Variants in CNTNAP2 observed in about 807,000 individuals in gnomAD.
The protein encoded by CNTNAP2 is contactin associated protein 2.
In CNTNAP2, 98 loss-of-function variants were observed where a neutral mutation model predicts 155.2. That is an observed-to-expected ratio of 0.63 (90% CI 0.54 to 0.75). The LOEUF (loss-of-function observed/expected upper bound fraction) is 0.75, where lower values mean the gene tolerates loss of function less well. Among genes scored for constraint, CNTNAP2 ranks in the 30% least tolerant of loss-of-function variants. CNTNAP2 has a pLI of 0.00. For synonymous variants in CNTNAP2, 651 were observed against 631.2 expected, an observed-to-expected ratio of 1.03 and a Z score of -0.47; for missense variants, 1,727 against 1,688.1, an observed-to-expected ratio of 1.02 and a Z score of -0.40.
intron 14 of CNTNAP2, among the ~76,000 whole-genome samples, chr7:147,973,160 T>TAAAATAAAAA (rs1554456455): frequency 8.3e-6 from 1 of 120,856 alleles, no homozygotes; most frequent in African/African-American, 3.5e-5. Flanking sequence ...TCTCTAAAAT[T>TAAAATAAAAA]AAAAAAAAAA....
chr7:148,253,734 G>C (rs957900329), intron 20 of CNTNAP2, among the ~76,000 whole-genome samples: 4 of 152,206 alleles, frequency 2.6e-5, no homozygotes, highest in African/African-American at 9.7e-5. Context: ...CATGGGATGA[G>C]TGTACTACTG....
At chr7:147,104,820 T>C (rs989770953) in intron 4 of CNTNAP2, among the ~76,000 whole-genome samples, 3 of 143,200 alleles carry the variant, frequency 2.1e-5, no homozygotes, top group Non-Finnish European at 3.0e-5. Flanking sequence ...CTAACTGAAA[T>C]GAAATTCTCC....
At chr7:147,099,314 G>GA (rs1197625009) in intron 4 of CNTNAP2, among the ~76,000 whole-genome samples, 3 of 152,118 alleles carry the variant, frequency 2.0e-5, no homozygotes, top group African/African-American at 7.2e-5. Flanking sequence ...ACCATCTCTA[G>GA]AAATTGGCTA....
At chr7:147,388,482 T>A (rs1253624165) in intron 9 of CNTNAP2, among the ~76,000 whole-genome samples, 1 of 152,250 alleles carries the variant, frequency 6.6e-6, no homozygotes, top group Non-Finnish European at 1.5e-5. Flanking sequence ...ACAATTTCAT[T>A]CATACTTATT....
intron 1 of CNTNAP2, among the ~76,000 whole-genome samples, chr7:146,149,699 A>C (rs555483656): frequency 6.6e-6 from 1 of 152,248 alleles, no homozygotes; most frequent in Admixed American, 6.5e-5. Flanking sequence ...GTATCCATAT[A>C]GGAAAAAAAT....
chr7:146,927,383 T>A (rs1585161755), intron 3 of CNTNAP2, among the ~76,000 whole-genome samples: 1 of 152,150 alleles, frequency 6.6e-6, no homozygotes, highest in East Asian at 1.9e-4. Flanking sequence ...GATCTAGCTA[T>A]GATTAAGTAA....
At chr7:146,878,325 G>A (rs1455503961) in intron 3 of CNTNAP2, among the ~76,000 whole-genome samples, 1 of 151,126 alleles carries the variant, frequency 6.6e-6, no homozygotes, top group African/African-American at 2.4e-5. Context: ...AAGTGATGAT[G>A]TATTATCTTT....
intron 15 of CNTNAP2, among the ~76,000 whole-genome samples, chr7:148,041,822 A>C (rs1181148387): frequency 6.6e-6 from 1 of 152,224 alleles, no homozygotes. Context: ...TGGTAGGTGC[A>C]AAGGCTAAAA....
intron 21 of CNTNAP2, among the ~76,000 whole-genome samples, chr7:148,270,201 T>C (rs1036712626): frequency 3.3e-5 from 5 of 152,220 alleles, no homozygotes; most frequent in African/African-American, 1.2e-4. Flanking sequence ...CCACATTTTC[T>C]ACAACTAAGA....
chr7:146,349,461 A>G (rs1214833669), intron 1 of CNTNAP2, among the ~76,000 whole-genome samples: 1 of 152,116 alleles, frequency 6.6e-6, no homozygotes, highest in East Asian at 1.9e-4. Flanking sequence ...ATCTATAAAA[A>G]TTTTCATTTA....
At chr7:146,257,372 GCT>G (rs1255773812) in intron 1 of CNTNAP2, among the ~76,000 whole-genome samples, 1 of 152,114 alleles carries the variant, frequency 6.6e-6, no homozygotes, top group Non-Finnish European at 1.5e-5. Flanking sequence ...CTATATATCT[GCT>G]CTGTTTCCCT....
At chr7:147,812,797 A>G (rs1798202127) in intron 13 of CNTNAP2, among the ~76,000 whole-genome samples, 1 of 152,214 alleles carries the variant, frequency 6.6e-6, no homozygotes, top group Non-Finnish European at 1.5e-5. Context: ...GGGTAATGGA[A>G]GAGATTTCAC....
chr7:148,355,623 C>T (rs1043539328), intron 21 of CNTNAP2, among the ~76,000 whole-genome samples: 1 of 152,194 alleles, frequency 6.6e-6, no homozygotes, highest in African/African-American at 2.4e-5. Context: ...GTCAGAATGG[C>T]GTTCCCATAA....
chr7:146,564,223 T>C (rs1020287394), intron 1 of CNTNAP2, among the ~76,000 whole-genome samples: 3 of 152,138 alleles, frequency 2.0e-5, no homozygotes, highest in Non-Finnish European at 4.4e-5. Flanking sequence ...GGGCTAATAA[T>C]GATATGTTAC....
chr7:146,663,294 A>AGAG (rs71165026), intron 1 of CNTNAP2, among the ~76,000 whole-genome samples: 1 of 102,988 alleles, frequency 9.7e-6, no homozygotes, highest in Non-Finnish European at 1.9e-5. Flanking sequence ...AAAAAAAAAA[A>AGAG]AAAAGAAAGA....
intron 1 of CNTNAP2, among the ~76,000 whole-genome samples, chr7:146,320,003 C>A (rs184169975): frequency 6.6e-6 from 1 of 151,046 alleles, no homozygotes; most frequent in Non-Finnish European, 1.5e-5. Flanking sequence ...TCGCCCCCCC[C>A]ACCCCAGTTT....
At chr7:146,734,536 A>G (rs988702947) in intron 1 of CNTNAP2, among the ~76,000 whole-genome samples, 15 of 152,182 alleles carry the variant, frequency 9.9e-5, no homozygotes, top group African/African-American at 3.4e-4. Context: ...AACTGACTGT[A>G]GGTGTCACAC....
chr7:146,587,136 G>GCAGC (rs1323507648), intron 1 of CNTNAP2, among the ~76,000 whole-genome samples: 5 of 151,818 alleles, frequency 3.3e-5, no homozygotes, highest in African/African-American at 1.2e-4. Context: ...GCTGCCACCA[G>GCAGC]ACTTGATACC....
chr7:147,647,650 C>A (rs1056972002), intron 13 of CNTNAP2, among the ~76,000 whole-genome samples: 6 of 151,992 alleles, frequency 3.9e-5, no homozygotes, highest in African/African-American at 1.4e-4. Context: ...GGACAGGGGC[C>A]ATATCTTAGT....
Sources: allele counts gnomAD v4.1 joint callset (sites outside exome capture counted in the v4.1 genomes callset), GRCh38; gene constraint gnomAD v4.1.1; transcripts MANE v1.5; gene names NCBI Gene and HGNC (gene_info 2026-07-23, HGNC 2026-07-21).